The following SNRPD2 variants were observed in gnomAD, a reference collection of about 807,000 sequenced individuals.
The protein encoded by SNRPD2 is small nuclear ribonucleoprotein Sm D2.
SNRPD2 carries 1 observed loss-of-function variant against 11.5 expected under a neutral mutation model. The observed-to-expected ratio is 0.09, with a 90% CI of 0.03 to 0.41. The LOEUF is 0.41. SNRPD2 is among the 10% of genes least tolerant of loss of function. SNRPD2 has a pLI of 0.98. For missense variants in SNRPD2, 77 were observed against 154.9 expected, an observed-to-expected ratio of 0.50 and a Z score of 2.67; for synonymous variants, 63 against 61.5, an observed-to-expected ratio of 1.02 and a Z score of -0.12.
chr19:45,690,070 G>A (rs1467752402), intron 1 of SNRPD2, among the ~76,000 whole-genome samples: 12 of 151,016 alleles, frequency 7.9e-5, no homozygotes, highest in South Asian at 2.1e-4. Flanking sequence ...GGTGGCTCAC[G>A]CCTGTAATCC....
chr19:45,690,822 G>C lies in SNRPD2; in HGVS notation c.2+1065C>G, dbSNP rs947072823. On this transcript the variant is annotated intron_variant, in intron 1 of 2. Transcript: ENST00000342669. ...ACTACAGCCTGAGCAACAGAGCAAG[G>C]CTCCGTCTCAAAAAAAAAAAAAAAA... Among the ~76,000 whole-genome samples, 3 of 138,956 alleles carry C rather than the reference G, an allele frequency of 2.2e-5. No homozygotes were observed. The South Asian group carries it at 6.7e-4, about 31-fold the overall frequency. 91.2% of individuals were successfully genotyped at this position (138,956 alleles called of 152,430 possible). A position where few individuals can be genotyped will look rare whatever the true frequency, so the allele number is the denominator to read the frequency against.
Position 45,687,802 on chromosome 19 carries a change from T to A in SNRPD2, c.183-75A>T. On this transcript the variant is annotated intron_variant, in intron 2 of 2. Coordinates refer to ENST00000342669, the MANE Select transcript of SNRPD2 (RefSeq NM_001384647.1). The surrounding 1 kb of genome is among the most constrained non-coding windows in gnomAD (Gnocchi z 4.1). ...GACAGTGCCCCCTACTGCCTGCTGC[T>A]CGCCCCCTCCAGCAGCATGGCTTGG... is the stretch of plus-strand genomic sequence containing the variant. 3 of 1,236,202 alleles carry A rather than the reference T, an allele frequency of 2.4e-6. No homozygotes were observed. The highest frequency in any genetic ancestry group is 3.5e-6 in the Non-Finnish European group (3 of 854,210). The allele number at this position is 1,236,202 out of a possible 1,614,324, so 76.6% of individuals were successfully genotyped here.
At chr19:45,692,044 C>G (rs1312683436), upstream of SNRPD2, 5 of 1,582,896 alleles carry the variant, frequency 3.2e-6, no homozygotes, top group African/African-American at 4.0e-5. Flanking sequence ...CACAGCATTC[C>G]CCACCAACGG....
chr19:45,692,040 A>G (rs1251036604), upstream of SNRPD2: 10 of 1,586,922 alleles, frequency 6.3e-6, no homozygotes, highest in South Asian at 1.1e-5. Flanking sequence ...TTGCCACAGC[A>G]TTCCCCACCA....
intron 1 of SNRPD2, 41 bp downstream of exon 1, chr19:45,691,846 C>T (rs762204424): frequency 6.2e-7 from 1 of 1,613,674 alleles, no homozygotes; most frequent in African/African-American, 1.3e-5. Context: ...AATATCCACC[C>T]TCAACCTCAT....
At chr19:45,692,018 A>C, upstream of SNRPD2, 1 of 1,603,556 alleles carries the variant, frequency 6.2e-7, no homozygotes, top group East Asian at 2.2e-5. Context: ...CAGTAAGTGG[A>C]GGCGTGGCCT....
chr19:45,692,074 A>T, upstream of SNRPD2: 1 of 1,506,720 alleles, frequency 6.6e-7, no homozygotes, highest in Non-Finnish European at 8.9e-7. Flanking sequence ...ATGGAATAAA[A>T]GCTTCGGGTA....
At position 45,688,377 on chromosome 19, in the gene SNRPD2, C is replaced by T. The variant is rs772853910; in HGVS notation, c.182+10G>A. On this transcript the variant is annotated intron_variant, in intron 2 of 2. Coordinates refer to ENST00000342669, the MANE Select transcript of SNRPD2 (RefSeq NM_001384647.1). This position sits in a 1 kb window ranked among gnomAD's most constrained non-coding sequence, Gnocchi z 4.1. ...CCTGCGGAGAACACCTCCCAGGACC[C>T]AGCACTCACCTATCGAAGGCCTTCA... 2 of 1,613,736 alleles carry T rather than the reference C, an allele frequency of 1.2e-6. No homozygotes were observed. The highest frequency in any genetic ancestry group is 1.7e-6 in the Non-Finnish European group (2 of 1,179,636).
chr19:45,688,692 C>T lies in SNRPD2; in HGVS notation c.3-126G>A. ...AACCTTGTCCCACCACATCTGTCCTCCTGTTCAGCCTTCTGAGTATCATCA... is the reference window on the plus strand; with the variant it reads ...AACCTTGTCCCACCACATCTGTCCTTCTGTTCAGCCTTCTGAGTATCATCA... On this transcript the variant is annotated intron_variant, in intron 1 of 2. Transcript: ENST00000342669. The surrounding 1 kb of genome is among the most constrained non-coding windows in gnomAD (Gnocchi z 4.1). The T allele has an allele frequency of 1.4e-6, 1 of 700,126 alleles. No homozygotes were observed. The highest frequency in any genetic ancestry group is 2.5e-6 in the Non-Finnish European group (1 of 400,256). 43.4% of individuals were successfully genotyped at this position (700,126 alleles called of 1,614,324 possible).
chr19:45,691,917 C>T lies in SNRPD2; in HGVS notation c.-29G>A, dbSNP rs372388044. On this transcript the variant is annotated 5_prime_UTR_variant, in exon 1 of 3. Transcript: ENST00000342669. ...GGTCACTACGCTCTCCGTTCACTCC[C>T]GTTTCCTCCGCGTTGCTGCTGCCTG... 20 of 1,614,048 alleles carry T rather than the reference C, an allele frequency of 1.2e-5. No individual in the cohort carries two copies. In the Admixed American group the frequency reaches 1.7e-4, roughly 13 times the overall value.
At position 45,688,274 on chromosome 19, in the gene SNRPD2, C is replaced by G. The variant is rs1177227928; in HGVS notation, c.182+113G>C. The G allele has an allele frequency of 6.8e-6, 6 of 884,602 alleles. No individual in the cohort carries two copies. In the African/African-American group the frequency reaches 1.0e-4, roughly 15 times the overall value. 54.8% of individuals were successfully genotyped at this position (884,602 alleles called of 1,614,324 possible). On this transcript the variant is annotated intron_variant, in intron 2 of 2. Transcript: ENST00000342669. The surrounding 1 kb of genome is among the most constrained non-coding windows in gnomAD (Gnocchi z 4.1). ...CTGGGATTACAGGCATGAGCCACCACGCCTGGCCATACACCCCAGGCTTCT... is the reference window on the plus strand; with the variant it reads ...CTGGGATTACAGGCATGAGCCACCAGGCCTGGCCATACACCCCAGGCTTCT...
Position 45,687,846 on chromosome 19 carries a change from G to A in SNRPD2, c.183-119C>T. The A allele has an allele frequency of 1.2e-6, 1 of 805,684 alleles. No homozygotes were observed. Among genetic ancestry groups the A allele is most frequent in the Non-Finnish European group, 2.0e-6 (1 of 498,374 alleles). 49.9% of individuals were successfully genotyped at this position (805,684 alleles called of 1,614,324 possible). On this transcript the variant is annotated intron_variant, in intron 2 of 2. Transcript: ENST00000342669. This position sits in a 1 kb window ranked among gnomAD's most constrained non-coding sequence, Gnocchi z 4.1. The stretch of plus-strand genomic sequence containing the variant: ...GGCTTGGGGAAGGGTGCAGGTGCTA[G>A]GCCGGGATGACCAAGCTGCCAAAGC...
intron 1 of SNRPD2, among the ~76,000 whole-genome samples, chr19:45,689,540 A>G (rs990089509): frequency 6.6e-6 from 1 of 151,782 alleles, no homozygotes; most frequent in Non-Finnish European, 1.5e-5. Context: ...AAACAACAAT[A>G]AAAAAAACAA....
Position 45,687,746 on chromosome 19 carries a change from G to T in SNRPD2, c.183-19C>A. ...GCAGTGCCTGGTGGGGAACAGGGAG[G>T]GGAGGCACTGGGCGTGAGGGGCGTG... On this transcript the variant is annotated intron_variant, in intron 2 of 2. Transcript: ENST00000342669. This position sits in a 1 kb window ranked among gnomAD's most constrained non-coding sequence, Gnocchi z 4.1. 6.2e-7 allele frequency: 1 copy of T among 1,607,718 alleles called. No homozygotes were observed. Among genetic ancestry groups the T allele is most frequent in the South Asian group, 1.1e-5 (1 of 90,894 alleles).
At chr19:45,691,536 ATT>A (rs5828244) in intron 1 of SNRPD2, 133 of 185,646 alleles carry the variant, frequency 7.2e-4, no homozygotes, top group East Asian at 1.8e-3. Flanking sequence ...TCATAATTAA[ATT>A]TTTTTTTTTT....
chr19:45,688,283 A>G lies in SNRPD2; in HGVS notation c.182+104T>C. 1 of 1,025,956 alleles carries G rather than the reference A, an allele frequency of 9.7e-7. No homozygotes were observed. The highest frequency in any genetic ancestry group is 2.3e-5 in the Admixed American group (1 of 43,978). The allele number at this position is 1,025,956 out of a possible 1,614,324, so 63.6% of individuals were successfully genotyped here. On this transcript the variant is annotated intron_variant, in intron 2 of 2. Transcript: ENST00000342669. The surrounding 1 kb of genome is among the most constrained non-coding windows in gnomAD (Gnocchi z 4.1). ...CAGGCATGAGCCACCACGCCTGGCC[A>G]TACACCCCAGGCTTCTGAGACAGCT...
intron 1 of SNRPD2, 128 bp downstream of exon 1, chr19:45,691,759 A>C: frequency 8.4e-7 from 1 of 1,183,854 alleles, no homozygotes; most frequent in Non-Finnish European, 1.3e-6. Flanking sequence ...TCAGGAGAAA[A>C]GCAGGACGCT....
upstream of SNRPD2, chr19:45,691,972 G>C (rs1469230606): frequency 6.2e-7 from 1 of 1,613,136 alleles, no homozygotes; most frequent in Non-Finnish European, 8.5e-7. Context: ...TCCTCTTCCT[G>C]CGACCCACTT....
chr19:45,690,364 G>C (rs1357412367), intron 1 of SNRPD2, among the ~76,000 whole-genome samples: 1 of 150,064 alleles, frequency 6.7e-6, no homozygotes, highest in East Asian at 2.0e-4. Context: ...AGCTGGGCAT[G>C]GTGGCGCATG....
Sources: allele counts gnomAD v4.1 joint callset (sites outside exome capture counted in the v4.1 genomes callset), GRCh38; gene constraint gnomAD v4.1.1; non-coding constraint Gnocchi (gnomAD v3.1); transcripts MANE v1.5; gene names NCBI Gene and HGNC (gene_info 2026-07-23, HGNC 2026-07-21).